The following RAB27B variants were observed in gnomAD, a reference collection of about 807,000 sequenced individuals.
The protein encoded by RAB27B is ras-related protein Rab-27B.
RAB27B carries 15 observed loss-of-function variants against 24.6 expected under a neutral mutation model. That is an observed-to-expected ratio of 0.61 (90% CI 0.41 to 0.94). The LOEUF is 0.94. RAB27B is among the 40% of genes least tolerant of loss of function. The pLI is 0.00. For synonymous variants in RAB27B, 105 were observed against 92.5 expected (o/e 1.14, Z -0.78); for missense variants, 261 against 266.8 (o/e 0.98, Z 0.15).
intron 2 of RAB27B, among the ~76,000 whole-genome samples, chr18:54,749,313 T>G (rs142983805): frequency 6.6e-6 from 1 of 152,176 alleles, no homozygotes; most frequent in Non-Finnish European, 1.5e-5. Flanking sequence ...CTTATTTCTA[T>G]GGCCTTTCCA....
chr18:54,811,084 A>G (rs1318131771), intron 2 of RAB27B, among the ~76,000 whole-genome samples: 1 of 151,870 alleles, frequency 6.6e-6, no homozygotes, highest in Non-Finnish European at 1.5e-5. Flanking sequence ...TAGAATCTGG[A>G]TTGTTTTATT....
chr18:54,796,502 A>T (rs1275003116), intron 2 of RAB27B, among the ~76,000 whole-genome samples: 2 of 152,020 alleles, frequency 1.3e-5, no homozygotes, highest in African/African-American at 2.4e-5. Context: ...ATGGGTGGGG[A>T]GCCAGAAGGG....
intron 2 of RAB27B, among the ~76,000 whole-genome samples, chr18:54,784,222 A>G (rs1261340019): frequency 2.0e-5 from 3 of 152,238 alleles, no homozygotes; most frequent in African/African-American, 7.2e-5. Context: ...GAACCAAGGA[A>G]TCAAATAATA....
chr18:54,834,221 A>G (rs895700669), intron 1 of RAB27B, among the ~76,000 whole-genome samples: 1 of 152,208 alleles, frequency 6.6e-6, no homozygotes, highest in Non-Finnish European at 1.5e-5. Flanking sequence ...AAGCAGGAAA[A>G]ACGTTTCTAG....
chr18:54,808,877 C>T (rs7237747), intron 2 of RAB27B, among the ~76,000 whole-genome samples: 1 of 151,966 alleles, frequency 6.6e-6, no homozygotes, highest in Non-Finnish European at 1.5e-5. Context: ...TGAGAAGAAC[C>T]TTTAACATAC....
intron 2 of RAB27B, among the ~76,000 whole-genome samples, chr18:54,815,146 A>T (rs1910082924): frequency 6.6e-6 from 1 of 152,146 alleles, no homozygotes; most frequent in East Asian, 1.9e-4. Flanking sequence ...CCCAACAACA[A>T]ATTTTGCCTC....
At position 54,895,145 on chromosome 18, in the gene RAB27B, G is replaced by A. The variant is rs537391001; in HGVS notation, c.*5732G>A. 3 of 151,992 alleles carry A rather than the reference G, an allele frequency of 2.0e-5. No individual in the cohort carries two copies. Among genetic ancestry groups the A allele is most frequent in the African/African-American group, 4.8e-5 (2 of 41,462 alleles). The allele number at this position is 151,992 out of a possible 1,614,324, so 9.4% of individuals were successfully genotyped here. ...TTTAGTTAGTGTGTTAAAAGTAGAC[G>A]ATGTTCTAATATAACACTGAAGTGC... is the stretch of plus-strand genomic sequence containing the variant. On this transcript the variant is annotated 3_prime_UTR_variant, in exon 6 of 6. Coordinates refer to ENST00000262094, the MANE Select transcript of RAB27B (RefSeq NM_004163.4).
At chr18:54,809,460 C>T (rs1909895419) in intron 2 of RAB27B, among the ~76,000 whole-genome samples, 1 of 152,180 alleles carries the variant, frequency 6.6e-6, no homozygotes, top group South Asian at 2.1e-4. Flanking sequence ...CAGACTTGAA[C>T]TCAACCTGCG....
intron 2 of RAB27B, among the ~76,000 whole-genome samples, chr18:54,733,650 G>C (rs1258964367): frequency 7.6e-5 from 7 of 92,296 alleles, no homozygotes; most frequent in South Asian, 8.1e-4. Context: ...CTGTTCTAGA[G>C]CCCCCCCCCC....
At chr18:54,740,689 C>T (rs1295131815) in intron 2 of RAB27B, among the ~76,000 whole-genome samples, 1 of 152,118 alleles carries the variant, frequency 6.6e-6, no homozygotes. Flanking sequence ...GCTGGATCAG[C>T]AACTTTGGCA....
At chr18:54,849,124 G>A (rs1460315640) in intron 1 of RAB27B, among the ~76,000 whole-genome samples, 4 of 152,058 alleles carry the variant, frequency 2.6e-5, no homozygotes, top group Non-Finnish European at 5.9e-5. Flanking sequence ...CGATGTAATG[G>A]GAGAAAATGT....
At chr18:54,833,066 G>A (rs1208896446) in intron 1 of RAB27B, among the ~76,000 whole-genome samples, 1 of 152,092 alleles carries the variant, frequency 6.6e-6, no homozygotes, top group Non-Finnish European at 1.5e-5. Context: ...CTTAACGAAG[G>A]TGTTGTCTGA....
At position 54,890,986 on chromosome 18, in the gene RAB27B, C is replaced by CG. The variant is rs979264217; in HGVS notation, c.*1574dup. 26 of 12,006 alleles carry CG rather than the reference C, an allele frequency of 2.2e-3. No homozygotes were observed. In the East Asian group the frequency reaches 0.045, roughly 21 times the overall value. 0.7% of individuals were successfully genotyped at this position (12,006 alleles called of 1,614,324 possible). A position where few individuals can be genotyped will look rare whatever the true frequency, so the allele number is the denominator to read the frequency against. ...CCAAATAACAAAGACAATATATTTT[C>CG]GTTTTTTTTTATTATGAGCATATGA... On this transcript the variant is annotated 3_prime_UTR_variant, in exon 6 of 6. Coordinates refer to ENST00000262094, the MANE Select transcript of RAB27B (RefSeq NM_004163.4).
At chr18:54,745,859 T>A (rs56931806) in intron 2 of RAB27B, among the ~76,000 whole-genome samples, 7,305 of 147,254 alleles carry the variant, frequency 0.05, 223 homozygotes, top group Admixed American at 0.082. Context: ...TTTATAATAT[T>A]TAATAAAATA....
chr18:54,779,037 A>C (rs1158952126), intron 2 of RAB27B, among the ~76,000 whole-genome samples: 1 of 152,022 alleles, frequency 6.6e-6, no homozygotes. Context: ...ACAGAGTTTC[A>C]CCATGTTGGC....
chr18:54,732,461 T>A (rs1909759551), intron 2 of RAB27B, among the ~76,000 whole-genome samples: 2 of 152,154 alleles, frequency 1.3e-5, no homozygotes, highest in Admixed American at 1.3e-4. Context: ...AGTGGTCAGG[T>A]GCAGAGTCCG....
chr18:54,825,656 T>C (rs993217877), upstream of RAB27B, among the ~76,000 whole-genome samples: 2 of 152,224 alleles, frequency 1.3e-5, no homozygotes, highest in Non-Finnish European at 2.9e-5. Flanking sequence ...TAAAAAGGCA[T>C]GTGTTCAGTT....
chr18:54,847,213 A>G (rs887075865), intron 1 of RAB27B, among the ~76,000 whole-genome samples: 4 of 152,198 alleles, frequency 2.6e-5, no homozygotes, highest in African/African-American at 4.8e-5. Flanking sequence ...TTGTTGCCCT[A>G]TGAACACATT....
intron 1 of RAB27B, among the ~76,000 whole-genome samples, chr18:54,842,519 A>G (rs1297421280): frequency 7.1e-5 from 1 of 14,086 alleles, no homozygotes; most frequent in East Asian, 0.5. Flanking sequence ...TCTCAAGCCC[A>G]TCAAGTTTAG....
Sources: allele counts gnomAD v4.1 joint callset (sites outside exome capture counted in the v4.1 genomes callset), GRCh38; gene constraint gnomAD v4.1.1; transcripts MANE v1.5; gene names NCBI Gene and HGNC (gene_info 2026-07-23, HGNC 2026-07-21).